Variants in ARHGEF3 observed in about 807,000 individuals in gnomAD.
ARHGEF3 encodes 59.8 kDA protein.
Under a neutral mutation model 63.2 loss-of-function variants are expected in ARHGEF3, and 28 were observed. That is an observed-to-expected ratio of 0.44 (90% CI 0.33 to 0.61). The LOEUF is 0.61. Among genes scored for constraint, ARHGEF3 ranks in the 20% least tolerant of loss-of-function variants. ARHGEF3 has a pLI of 0.03. For missense variants in ARHGEF3, 533 were observed against 659.3 expected (o/e 0.81, Z 2.10); for synonymous variants, 266 against 254.2 (o/e 1.05, Z -0.44).
chr3:56,900,746 C>T (rs1046916629), intron 3 of ARHGEF3, among the ~76,000 whole-genome samples: 2 of 152,156 alleles, frequency 1.3e-5, no homozygotes, highest in Non-Finnish European at 2.9e-5. Context: ...TGCTTTTAAT[C>T]GGAAGTTACC....
chr3:56,833,349 C>A (rs1289331285), intron 4 of ARHGEF3, among the ~76,000 whole-genome samples: 1 of 152,170 alleles, frequency 6.6e-6, no homozygotes, highest in African/African-American at 2.4e-5. Context: ...AAGCCAACTG[C>A]AACTGAGCAT....
At chr3:56,953,097 G>T (rs1359965824) in intron 3 of ARHGEF3, among the ~76,000 whole-genome samples, 1 of 152,198 alleles carries the variant, frequency 6.6e-6, no homozygotes, top group Non-Finnish European at 1.5e-5. Flanking sequence ...AGCCTGGCCT[G>T]GGACTGACGT....
intron 2 of ARHGEF3, among the ~76,000 whole-genome samples, chr3:56,982,521 C>T (rs1285990897): frequency 6.6e-6 from 1 of 152,160 alleles, no homozygotes; most frequent in African/African-American, 2.4e-5. Context: ...CTATCCACCC[C>T]TCTTGCCTGT....
chr3:56,916,158 C>T (rs2041982678), intron 3 of ARHGEF3: 6 of 1,072,756 alleles, frequency 5.6e-6, no homozygotes, highest in African/African-American at 4.8e-5. Flanking sequence ...TCCATCATCC[C>T]AGGTGCTTTT....
chr3:56,858,202 C>T (rs1470944218), intron 4 of ARHGEF3, among the ~76,000 whole-genome samples: 2 of 146,508 alleles, frequency 1.4e-5, no homozygotes, highest in Non-Finnish European at 3.0e-5. Flanking sequence ...CATGTTTGCA[C>T]CACTGCACTC....
chr3:57,028,893 G>A (rs1257375808), intron 2 of ARHGEF3, among the ~76,000 whole-genome samples: 1 of 151,422 alleles, frequency 6.6e-6, no homozygotes, highest in African/African-American at 2.4e-5. Context: ...TGGAGACCAA[G>A]GAGCTTTTTT....
chr3:57,014,427 A>G (rs1251166813), intron 2 of ARHGEF3, among the ~76,000 whole-genome samples: 2 of 152,136 alleles, frequency 1.3e-5, no homozygotes, highest in Non-Finnish European at 2.9e-5. Context: ...CTGGACTCCC[A>G]TATTCCAGAA....
chr3:57,042,873 A>G (rs1040925185), intron 1 of ARHGEF3, among the ~76,000 whole-genome samples: 2 of 147,958 alleles, frequency 1.4e-5, no homozygotes, highest in African/African-American at 5.0e-5. Flanking sequence ...GTTTTTTTGT[A>G]TTTTCAGTAC....
intron 4 of ARHGEF3, among the ~76,000 whole-genome samples, chr3:56,818,368 G>A (rs1283889106): frequency 6.6e-6 from 1 of 152,210 alleles, no homozygotes; most frequent in Non-Finnish European, 1.5e-5. Flanking sequence ...AGCGACTACA[G>A]TGTACATGCT....
chr3:56,736,481 G>A (rs574511773), intron 8 of ARHGEF3, among the ~76,000 whole-genome samples: 1 of 152,330 alleles, frequency 6.6e-6, no homozygotes, highest in East Asian at 1.9e-4. Context: ...ATGCCAGTCT[G>A]TGGATGGGTC....
intron 4 of ARHGEF3, among the ~76,000 whole-genome samples, chr3:56,867,483 ATTT>A (rs869028837): frequency 1.9e-4 from 24 of 127,572 alleles, no homozygotes; most frequent in African/African-American, 7.2e-4. Flanking sequence ...TTATTTATTT[ATTT>A]TTTTGAGACA....
At chr3:56,885,498 A>G (rs1025867994) in intron 3 of ARHGEF3, among the ~76,000 whole-genome samples, 3 of 152,198 alleles carry the variant, frequency 2.0e-5, no homozygotes, top group African/African-American at 7.2e-5. Flanking sequence ...CTTGAGCTCA[A>G]TGATTTTGTC....
intron 2 of ARHGEF3, among the ~76,000 whole-genome samples, chr3:56,999,783 T>G (rs1277887750): frequency 6.6e-6 from 1 of 152,088 alleles, no homozygotes; most frequent in Non-Finnish European, 1.5e-5. Context: ...GGAAAAAGAG[T>G]GAGACCTCAT....
At chr3:56,788,826 TG>T in intron 1 of ARHGEF3, among the ~76,000 whole-genome samples, 1 of 152,268 alleles carries the variant, frequency 6.6e-6, no homozygotes, top group Admixed American at 6.5e-5. Flanking sequence ...TAGATTTTTT[TG>T]TTATTCTACC....
chr3:57,012,102 G>C (rs953485342), intron 2 of ARHGEF3, among the ~76,000 whole-genome samples: 1 of 152,100 alleles, frequency 6.6e-6, no homozygotes, highest in African/African-American at 2.4e-5. Context: ...TATGAAATGG[G>C]GTCTACAGGA....
At chr3:56,822,364 C>A (rs2038539212) in intron 4 of ARHGEF3, among the ~76,000 whole-genome samples, 1 of 152,084 alleles carries the variant, frequency 6.6e-6, no homozygotes, top group African/African-American at 2.4e-5. Flanking sequence ...AAATGTCAGG[C>A]AATAGGGAAT....
At chr3:56,773,648 G>A (rs2036124728) in intron 2 of ARHGEF3, 61 bp downstream of exon 2, 2 of 1,382,708 alleles carry the variant, frequency 1.4e-6, no homozygotes, top group African/African-American at 1.5e-5. Flanking sequence ...GGTAGGATGG[G>A]GATGTTCCTT....
At chr3:56,964,431 T>C (rs1228964055) in intron 2 of ARHGEF3, among the ~76,000 whole-genome samples, 1 of 152,064 alleles carries the variant, frequency 6.6e-6, no homozygotes, top group Non-Finnish European at 1.5e-5. Flanking sequence ...CTGAATCCTC[T>C]TTCCAGCAGT....
chr3:57,050,103 T>C (rs1704610949), intron 1 of ARHGEF3, among the ~76,000 whole-genome samples: 1 of 152,156 alleles, frequency 6.6e-6, no homozygotes, highest in African/African-American at 2.4e-5. Flanking sequence ...TCTTACCCTG[T>C]AGGTCCAATC....
Sources: gnomAD v4.1 joint callset for allele counts (sites outside exome capture counted in the v4.1 genomes callset) on GRCh38, gnomAD v4.1.1 for gene constraint, MANE v1.5 for transcripts, NCBI Gene and HGNC (gene_info 2026-07-23, HGNC 2026-07-21) for gene names.